SHROOM3: variants seen among roughly 807,000 people sequenced by gnomAD.
The protein encoded by SHROOM3 is shroom family member 3, also known as protein Shroom3.
In SHROOM3, 47 loss-of-function variants were observed where a neutral mutation model predicts 138.6. The ratio of observed to expected loss-of-function variants is 0.34; its 90% CI spans 0.27 to 0.43. The LOEUF (loss-of-function observed/expected upper bound fraction) is 0.43. SHROOM3 is among the 20% of genes least tolerant of loss of function. The probability of loss-of-function intolerance (pLI) is 1.00; values close to 1 mark genes in which losing one functional copy is unlikely to be tolerated. For missense variants in SHROOM3, 2,491 were observed against 2,596.5 expected (o/e 0.96, Z 0.88); for synonymous variants, 1,062 against 1,063.3 (o/e 1.00, Z 0.02).
chr4:76,671,839 A>AT (rs1577964991), intron 2 of SHROOM3, among the ~76,000 whole-genome samples: 4 of 152,184 alleles, frequency 2.6e-5, no homozygotes, highest in East Asian at 3.9e-4. Flanking sequence ...ATTTTTAAAA[A>AT]TTTTTTTTGG....
chr4:76,444,297 T>A (rs1329505840), intron 1 of SHROOM3, among the ~76,000 whole-genome samples: 1 of 150,526 alleles, frequency 6.6e-6, no homozygotes, highest in African/African-American at 2.4e-5. Flanking sequence ...TGTATATATG[T>A]ATATATATAT....
At chr4:76,505,855 G>T (rs533779937) in intron 1 of SHROOM3, among the ~76,000 whole-genome samples, 71 of 151,372 alleles carry the variant, frequency 4.7e-4, no homozygotes, top group South Asian at 2.3e-3. Context: ...GTAGAGATAG[G>T]GTCTCACTAT....
chr4:76,670,284 T>C (rs1220242528), intron 2 of SHROOM3, among the ~76,000 whole-genome samples: 1 of 152,188 alleles, frequency 6.6e-6, no homozygotes, highest in Non-Finnish European at 1.5e-5. Context: ...TATTGAAACA[T>C]GCTACAACAC....
chr4:76,445,391 A>C (rs1579158353), intron 1 of SHROOM3, among the ~76,000 whole-genome samples: 1 of 152,158 alleles, frequency 6.6e-6, no homozygotes, highest in Non-Finnish European at 1.5e-5. Context: ...AAGAAAAAAA[A>C]TACCCAATAC....
At chr4:76,474,356 A>G (rs1040409381) in intron 1 of SHROOM3, among the ~76,000 whole-genome samples, 2 of 152,224 alleles carry the variant, frequency 1.3e-5, no homozygotes, top group African/African-American at 4.8e-5. Flanking sequence ...TTATGAAATT[A>G]GATAGTGGTA....
At chr4:76,523,771 CAG>C (rs1732618935) in intron 1 of SHROOM3, among the ~76,000 whole-genome samples, 1 of 152,084 alleles carries the variant, frequency 6.6e-6, no homozygotes, top group Non-Finnish European at 1.5e-5. Flanking sequence ...GCCGGTTGAA[CAG>C]AGTTTTGAAG....
At chr4:76,580,268 TTC>T (rs1156699379) in intron 2 of SHROOM3, among the ~76,000 whole-genome samples, 5 of 152,224 alleles carry the variant, frequency 3.3e-5, no homozygotes, top group Non-Finnish European at 7.3e-5. Context: ...CTAAGGAGAA[TTC>T]TGCTACCTGG....
chr4:76,716,545 G>T, intron 3 of SHROOM3: 4 of 411,546 alleles, frequency 9.7e-6, no homozygotes, highest in East Asian at 5.9e-5. Flanking sequence ...CTGCCTGTTA[G>T]GTTTAAACCT....
chr4:76,626,595 G>A (rs1038640386), intron 2 of SHROOM3, among the ~76,000 whole-genome samples: 5 of 152,198 alleles, frequency 3.3e-5, no homozygotes, highest in African/African-American at 1.2e-4. Flanking sequence ...ATTACCTGAA[G>A]TAGCTGCCAT....
intron 2 of SHROOM3, among the ~76,000 whole-genome samples, chr4:76,583,300 C>G (rs1734087461): frequency 6.6e-6 from 1 of 152,180 alleles, no homozygotes; most frequent in South Asian, 2.1e-4. Context: ...ATTCTTCTGT[C>G]CATGAGTGGC....
intron 3 of SHROOM3, among the ~76,000 whole-genome samples, chr4:76,714,591 A>G (rs899312389): frequency 6.6e-6 from 1 of 152,210 alleles, no homozygotes; most frequent in East Asian, 1.9e-4. Context: ...GTCCCTTTGT[A>G]ATTAATAAAT....
intron 2 of SHROOM3, among the ~76,000 whole-genome samples, chr4:76,626,896 G>A (rs951218357): frequency 3.3e-5 from 5 of 152,154 alleles, no homozygotes; most frequent in Admixed American, 3.3e-4. Context: ...TTTTCTTTGT[G>A]TATACCATGA....
At chr4:76,445,437 G>A (rs1453802926) in intron 1 of SHROOM3, among the ~76,000 whole-genome samples, 1 of 152,122 alleles carries the variant, frequency 6.6e-6, no homozygotes, top group Admixed American at 6.5e-5. Context: ...GTGAGGTAGA[G>A]GTATGCCACA....
At position 76,754,714 on chromosome 4, in the gene SHROOM3, G is replaced by T; in HGVS notation, c.4231G>T (p.Gly1411Trp). The T allele has an allele frequency of 6.2e-7, 1 of 1,614,202 alleles. No homozygotes were observed. The highest frequency in any genetic ancestry group is 8.5e-7 in the Non-Finnish European group (1 of 1,180,038). Residue 1411 changes from glycine to tryptophan, a missense_variant, in exon 7 of 11, where the codon GGG becomes TGG. Gly to Trp is a radical substitution (Grantham distance 184, BLOSUM62 -2). Coordinates refer to ENST00000296043, the MANE Select transcript of SHROOM3 (RefSeq NM_020859.4). The stretch of plus-strand genomic sequence containing the variant: ...CTGTGAGGGCGATGGCCCAGAGCAT[G>T]GGGTAGAAGAGGGAACGAGGAAGAG... ...RGCEGDGPEH[G>W]VEEGTRKRVS...
intron 1 of SHROOM3, among the ~76,000 whole-genome samples, chr4:76,456,890 G>T (rs908216926): frequency 7.9e-5 from 12 of 152,176 alleles, no homozygotes; most frequent in African/African-American, 1.9e-4. Context: ...TTTGCAGGCA[G>T]GGGTGGATCT....
At chr4:76,712,664 T>C (rs1423627760) in intron 3 of SHROOM3, among the ~76,000 whole-genome samples, 4 of 152,220 alleles carry the variant, frequency 2.6e-5, no homozygotes, top group Non-Finnish European at 5.9e-5. Flanking sequence ...GGTGCAGACA[T>C]CACTCCTGCT....
At chr4:76,445,739 T>A (rs907638690) in intron 1 of SHROOM3, among the ~76,000 whole-genome samples, 14 of 151,904 alleles carry the variant, frequency 9.2e-5, no homozygotes, top group Non-Finnish European at 1.5e-5. Context: ...CAAGAGTCTT[T>A]CTCTATTCAT....
intron 2 of SHROOM3, among the ~76,000 whole-genome samples, chr4:76,607,153 A>G (rs753637388): frequency 2.6e-5 from 4 of 152,166 alleles, no homozygotes; most frequent in African/African-American, 7.2e-5. Flanking sequence ...GACTAAAAGC[A>G]TCAGTTGCAA....
At chr4:76,481,737 T>C (rs1037925176) in intron 1 of SHROOM3, among the ~76,000 whole-genome samples, 3 of 152,130 alleles carry the variant, frequency 2.0e-5, no homozygotes, top group Non-Finnish European at 4.4e-5. Context: ...TGATGGACAT[T>C]GATGCAAAAT....
Sources: gnomAD v4.1 joint callset for allele counts (sites outside exome capture counted in the v4.1 genomes callset) on GRCh38, gnomAD v4.1.1 for gene constraint, MANE v1.5 for transcripts, NCBI Gene and HGNC (gene_info 2026-07-23, HGNC 2026-07-21) for gene names.